The following ACKR2 variants were observed in gnomAD, a reference collection of about 807,000 sequenced individuals.
ACKR2 encodes C-C chemokine receptor D6.
For synonymous variants in ACKR2, 207 were observed against 192.2 expected, an observed-to-expected ratio of 1.08 and a Z score of -0.64; for missense variants, 457 against 477.3, an observed-to-expected ratio of 0.96 and a Z score of 0.40.
At chr3:42,829,987 T>C (rs1245241087) in intron 2 of ACKR2, among the ~76,000 whole-genome samples, 3 of 152,242 alleles carry the variant, frequency 2.0e-5, no homozygotes, top group Admixed American at 2.0e-4. Flanking sequence ...AACTCTGAAC[T>C]AACAAACATT....
Position 42,865,045 on chromosome 3 carries a change from C to G in ACKR2, c.543C>G (p.Val181=), listed in dbSNP as rs371368100. Residue 181 remains valine, a synonymous_variant, in exon 3 of 3, where the codon GTC becomes GTG. Coordinates refer to ENST00000422265, the MANE Select transcript of ACKR2 (RefSeq NM_001296.5). ...VSLAVSIPDM[V]FVQTHENPKG... Reference sequence around the variant, plus strand: ...TGGCCGTCTCCATCCCTGATATGGTCTTTGTACAGACACATGAAAATCCCA... The same window carrying G: ...TGGCCGTCTCCATCCCTGATATGGTGTTTGTACAGACACATGAAAATCCCA... 51 of 1,614,030 alleles carry G rather than the reference C, an allele frequency of 3.2e-5. No individual in the cohort carries two copies. The highest frequency in any genetic ancestry group is 4.2e-5 in the Non-Finnish European group (49 of 1,180,050).
Position 42,864,530 on chromosome 3 carries a change from C to T in ACKR2, c.28C>T (p.Leu10Phe). 6.2e-7 allele frequency: 1 copy of T among 1,608,004 alleles called. No individual in the cohort carries two copies. The highest frequency in any genetic ancestry group is 1.1e-5 in the South Asian group (1 of 90,432). ...GGCCGCCACTGCCTCTCCGCAGCCACTCGCCACTGAGGATGCCGATTCTGA... is the reference window on the plus strand; with the variant it reads ...GGCCGCCACTGCCTCTCCGCAGCCATTCGCCACTGAGGATGCCGATTCTGA... MAATASPQP[L>F]ATEDADSENS... is the part of the protein sequence containing the mutation. The change falls in exon 3 of 3, where the codon CTC becomes TTC. Residue 10 changes from leucine (L) to phenylalanine (F), a missense_variant. Leu to Phe is a conservative substitution (Grantham distance 22). Transcript: ENST00000422265.
At chr3:42,814,446 T>A (rs1700729414) in intron 1 of ACKR2, among the ~76,000 whole-genome samples, 1 of 152,200 alleles carries the variant, frequency 6.6e-6, no homozygotes, top group South Asian at 2.1e-4. Context: ...TGCAAATAGC[T>A]GTCTACACAT....
intron 1 of ACKR2, among the ~76,000 whole-genome samples, chr3:42,816,137 G>A (rs183694392): frequency 1.3e-4 from 20 of 151,970 alleles, no homozygotes; most frequent in Admixed American, 6.6e-4. Flanking sequence ...GGGTTTTTTT[G>A]TGTGTTCCTG....
chr3:42,809,815 T>C (rs1422086174), intron 1 of ACKR2, among the ~76,000 whole-genome samples: 2 of 150,716 alleles, frequency 1.3e-5, no homozygotes, highest in African/African-American at 4.9e-5. Flanking sequence ...TGACCCGAGA[T>C]CGCGCCACTG....
Position 42,860,189 on chromosome 3 carries a change from A to AAAAAAAAAAAC in ACKR2, c.-37-4277_-37-4276insAAAAAAAAAAC, listed in dbSNP as rs376833790. On this transcript the variant is annotated intron_variant, in intron 2 of 2. Transcript: ENST00000422265. The stretch of plus-strand genomic sequence containing the variant: ...CAAAAAAAAAAAAAAAAAAAAAAAA[A>AAAAAAAAAAAC]GCAGGGGATGCAATCCTAGTCTCTG... 8.2e-4 allele frequency among the ~76,000 whole-genome samples: 91 copies of AAAAAAAAAAAC among 111,628 alleles called. 5 individuals carry two copies. The highest frequency in any genetic ancestry group is 1.5e-3 in the Admixed American group (11 of 7,440). 73.2% of individuals were successfully genotyped at this position (111,628 alleles called of 152,430 possible).
Position 42,864,488 on chromosome 3 carries a change from G to C in ACKR2, c.-15G>C. 1.9e-6 allele frequency: 3 copies of C among 1,582,932 alleles called. No homozygotes were observed. Among genetic ancestry groups the C allele is most frequent in the Non-Finnish European group, 1.7e-6 (2 of 1,163,888 alleles). On this transcript the variant is annotated 5_prime_UTR_variant, in exon 3 of 3. Transcript: ENST00000422265. ...CAGCACTACAGGACGTCGGGACTGG[G>C]CATTTCCTTCCAACATGGCCGCCAC...
rs938811377 is a variant in ACKR2, at chr3:42,838,666, C to T, written c.-38+18955C>T. Among the ~76,000 whole-genome samples, 12 of 152,316 alleles carry T rather than the reference C, an allele frequency of 7.9e-5. No individual in the cohort carries two copies. In the East Asian group the frequency reaches 9.6e-4, roughly 12 times the overall value. On this transcript the variant is annotated intron_variant, in intron 2 of 2. Coordinates refer to ENST00000422265, the MANE Select transcript of ACKR2 (RefSeq NM_001296.5). ...CTGGTTTCTTACACAGTTAAGTATA[C>T]GCTTACCATTCAACATAGTCACTCT...
intron 2 of ACKR2, among the ~76,000 whole-genome samples, chr3:42,836,774 G>C (rs1213536686): frequency 6.6e-6 from 1 of 152,182 alleles, no homozygotes. Context: ...CTACAGATAA[G>C]TTTCCTAGGA....
intron 2 of ACKR2, among the ~76,000 whole-genome samples, chr3:42,836,427 A>G (rs937271629): frequency 6.6e-6 from 1 of 152,126 alleles, no homozygotes; most frequent in African/African-American, 2.4e-5. Flanking sequence ...TCTTATTATC[A>G]AGTCCTCACT....
At chr3:42,857,157 T>G (rs17239701) in intron 2 of ACKR2, among the ~76,000 whole-genome samples, 1 of 152,056 alleles carries the variant, frequency 6.6e-6, no homozygotes, top group Non-Finnish European at 1.5e-5. Flanking sequence ...TGTCATCTAT[T>G]TGTACTCCTT....
chr3:42,841,928 T>C (rs953926155), intron 2 of ACKR2, among the ~76,000 whole-genome samples: 49 of 152,208 alleles, frequency 3.2e-4, no homozygotes, highest in Admixed American at 3.2e-3. Context: ...CTCATCAGCC[T>C]GGATTCAAAA....
chr3:42,813,878 GT>G (rs1296122121), intron 1 of ACKR2, among the ~76,000 whole-genome samples: 1 of 152,192 alleles, frequency 6.6e-6, no homozygotes, highest in Non-Finnish European at 1.5e-5. Flanking sequence ...CTGTTTTTAA[GT>G]TTTCGCAGTA....
chr3:42,837,551 G>C (rs1700997510), intron 2 of ACKR2, among the ~76,000 whole-genome samples: 1 of 152,152 alleles, frequency 6.6e-6, no homozygotes, highest in Non-Finnish European at 1.5e-5. Flanking sequence ...AGGAGACTAA[G>C]AGTGTATTCC....
At chr3:42,862,945 T>C (rs1277401036) in intron 2 of ACKR2, among the ~76,000 whole-genome samples, 1 of 152,188 alleles carries the variant, frequency 6.6e-6, no homozygotes, top group East Asian at 1.9e-4. Flanking sequence ...GACATAGGCA[T>C]TGGCAAAGAC....
intron 1 of ACKR2, among the ~76,000 whole-genome samples, chr3:42,816,189 CGTGTGTGT>C (rs56332875): frequency 2.7e-4 from 39 of 145,952 alleles, no homozygotes; most frequent in African/African-American, 3.8e-4. Context: ...TTGATAGTTT[CGTGTGTGT>C]GTGTGTGTGT....
In ACKR2 at chr3:42,865,369, T is replaced by A. The variant is rs757599752; in HGVS notation, c.867T>A (p.His289Gln). 2 of 1,614,208 alleles carry A rather than the reference T, an allele frequency of 1.2e-6. No homozygotes were observed. The highest frequency in any genetic ancestry group is 1.7e-6 in the Non-Finnish European group (2 of 1,180,036). Residue 289 changes from histidine to glutamine, a missense_variant, in exon 3 of 3, where the codon CAT becomes CAA. His to Gln is a conservative substitution (Grantham distance 24). Transcript: ENST00000422265. ...QVFGNCEVSQ[H>Q]LDYALQVTES... ...TCGGGAACTGTGAGGTCAGCCAGCA[T>A]CTAGACTACGCACTCCAGGTAACAG...
At chr3:42,840,324 G>A (rs1701025304) in intron 2 of ACKR2, among the ~76,000 whole-genome samples, 2 of 146,204 alleles carry the variant, frequency 1.4e-5, no homozygotes, top group African/African-American at 5.1e-5. Flanking sequence ...TCTGAGGCCA[G>A]ACTTTCTGTC....
intron 2 of ACKR2, among the ~76,000 whole-genome samples, chr3:42,840,259 CAAAAAAAA>C (rs34830187): frequency 8.7e-5 from 3 of 34,650 alleles, no homozygotes; most frequent in Admixed American, 4.3e-4. Context: ...GACTCCGTCT[CAAAAAAAA>C]AAAAAAAAAA....
Sources: gnomAD v4.1 joint callset for allele counts (sites outside exome capture counted in the v4.1 genomes callset) on GRCh38, gnomAD v4.1.1 for gene constraint, MANE v1.5 for transcripts, NCBI Gene and HGNC (gene_info 2026-07-23, HGNC 2026-07-21) for gene names.